The following SPAG1 variants were observed in gnomAD, a reference collection of about 807,000 sequenced individuals.
SPAG1 encodes sperm associated antigen 1.
A neutral mutation model predicts 100.5 loss-of-function variants in SPAG1; 69 were observed. The observed-to-expected ratio is 0.69, with a 90% CI of 0.57 to 0.84. The LOEUF is 0.84. Among genes scored for constraint, SPAG1 ranks in the 40% least tolerant of loss-of-function variants. SPAG1 has a pLI of 0.00. For missense variants in SPAG1, 955 were observed against 1,133.1 expected (o/e 0.84, Z 2.26); for synonymous variants, 336 against 411.6 (o/e 0.82, Z 2.22).
chr8:100,213,873 A>G lies in SPAG1; in HGVS notation c.1490A>G (p.Tyr497Cys). 6.2e-7 allele frequency: 1 copy of G among 1,606,210 alleles called. No individual in the cohort carries two copies. The highest frequency in any genetic ancestry group is 8.5e-7 in the Non-Finnish European group (1 of 1,174,322). The part of the protein sequence containing the change: ...SILYSNRAAC[Y>C]LKEGNCSGCI... ...TTATATTCAAATAGAGCAGCATGTT[A>G]CCTAAAAGAAGGAAACTGCAGTGGC... Residue 497 changes from tyrosine (Y) to cysteine (C), a missense_variant, in exon 12 of 19, where the codon TAC becomes TGC. By Grantham distance (194) the Tyr-to-Cys change is radical. Transcript: ENST00000388798.
chr8:100,167,160 A>G (rs770961669), intron 3 of SPAG1, among the ~76,000 whole-genome samples: 8 of 152,122 alleles, frequency 5.3e-5, no homozygotes, highest in African/African-American at 1.9e-4. Context: ...TCTTTATTAA[A>G]AAAAACAAAA....
rs1444718756 is a variant in SPAG1, at chr8:100,239,797, T to C, written c.2280+393T>C. Among the ~76,000 whole-genome samples, 3 of 152,242 alleles carry C rather than the reference T, an allele frequency of 2.0e-5. No individual in the cohort carries two copies. In the East Asian group the frequency reaches 5.8e-4, roughly 29 times the overall value. On this transcript the variant is annotated intron_variant, in intron 17 of 18. Transcript: ENST00000388798. The surrounding 1 kb of genome is among the most constrained non-coding windows in gnomAD (Gnocchi z 5.0). ...CCTCATAGAGATTATCCAGATTGATTCAGACCTTTTTAGCACTCTGAAATA... is the reference window on the plus strand; with the variant it reads ...CCTCATAGAGATTATCCAGATTGATCCAGACCTTTTTAGCACTCTGAAATA...
intron 14 of SPAG1, 101 bp downstream of exon 14, chr8:100,225,440 A>G: frequency 9.2e-7 from 1 of 1,088,700 alleles, no homozygotes; most frequent in East Asian, 2.6e-5. Flanking sequence ...CTAGAATCAG[A>G]CCTAGGTTTA....
Position 100,184,743 on chromosome 8 carries a change from T to A in SPAG1, c.701+10T>A, listed in dbSNP as rs368868678. 1 of 1,504,108 alleles carries A rather than the reference T, an allele frequency of 6.6e-7. No individual in the cohort carries two copies. Among genetic ancestry groups the A allele is most frequent in the Non-Finnish European group, 9.1e-7 (1 of 1,102,566 alleles). The allele number at this position is 1,504,108 out of a possible 1,614,324, so 93.2% of individuals were successfully genotyped here. ...TGATGTATTATACCAGGTGAGCAGATGTTTGTTGGGGTTTAAACTTGCCTT... is the reference window on the plus strand; with the variant it reads ...TGATGTATTATACCAGGTGAGCAGAAGTTTGTTGGGGTTTAAACTTGCCTT... On this transcript the variant is annotated intron_variant, in intron 7 of 18. Transcript: ENST00000388798.
intron 10 of SPAG1, 40 bp downstream of exon 10, chr8:100,194,308 C>A: frequency 6.3e-7 from 1 of 1,585,650 alleles, no homozygotes; most frequent in Non-Finnish European, 8.6e-7. Context: ...AAAAAGCTGC[C>A]TTTTAATATG....
chr8:100,192,373 A>C (rs1279663541), intron 9 of SPAG1, among the ~76,000 whole-genome samples: 3 of 152,286 alleles, frequency 2.0e-5, no homozygotes, highest in Middle Eastern at 3.4e-3. Context: ...ATATAAGCAA[A>C]CCTGCCCAAT....
intron 10 of SPAG1, among the ~76,000 whole-genome samples, chr8:100,206,181 C>T (rs1455989744): frequency 6.6e-6 from 1 of 152,098 alleles, no homozygotes; most frequent in Non-Finnish European, 1.5e-5. Context: ...GTGGTGACTC[C>T]AATTGCAGCT....
intron 10 of SPAG1, among the ~76,000 whole-genome samples, chr8:100,200,150 A>T (rs1225596088): frequency 6.6e-6 from 1 of 152,028 alleles, no homozygotes; most frequent in African/African-American, 2.4e-5. Context: ...CCTGTGTCCA[A>T]GTGTTCTCAT....
intron 13 of SPAG1, among the ~76,000 whole-genome samples, chr8:100,223,543 C>T (rs1279742947): frequency 2.0e-5 from 3 of 149,358 alleles, no homozygotes; most frequent in Non-Finnish European, 4.4e-5. Context: ...GCTTTTCCAT[C>T]TATTCCAATT....
At chr8:100,166,009 G>A in intron 3 of SPAG1, 36 bp downstream of exon 3, 1 of 1,541,016 alleles carries the variant, frequency 6.5e-7, no homozygotes, top group East Asian at 2.3e-5. Flanking sequence ...AGATATTGTT[G>A]AGACATTCTA....
At chr8:100,224,944 AAT>A (rs1818440864) in intron 13 of SPAG1, among the ~76,000 whole-genome samples, 1 of 152,186 alleles carries the variant, frequency 6.6e-6, no homozygotes, top group South Asian at 2.1e-4. Flanking sequence ...ACAAATTAAA[AAT>A]GTCTTTTTTG....
chr8:100,240,337 C>T (rs1696909560), intron 17 of SPAG1, 66 bp from the exon 18 acceptor site: 11 of 1,438,850 alleles, frequency 7.6e-6, no homozygotes, highest in East Asian at 4.6e-5. Context: ...TTCTGACAGA[C>T]GTACTTAGGA....
rs187269264 is a variant in SPAG1 at position 100,231,796 on chromosome 8, A to G, written c.1988+508A>G. The stretch of plus-strand genomic sequence containing the variant: ...AACACGGTGAAACCCCGTCTCTACT[A>G]AAAATACAAAAAAAAATTAGCCAGG... On this transcript the variant is annotated intron_variant, in intron 15 of 18. Transcript: ENST00000388798. Among the ~76,000 whole-genome samples the G allele has an allele frequency of 3.6e-3, 549 of 152,182 alleles. 2 individuals carry two copies. The highest frequency in any genetic ancestry group is 0.012 in the African/African-American group (513 of 41,492).
chr8:100,231,353 G>A lies in SPAG1; in HGVS notation c.1988+65G>A, dbSNP rs1027589389. The A allele has an allele frequency of 5.0e-5, 57 of 1,141,482 alleles. No individual in the cohort carries two copies. The South Asian group carries it at 6.8e-4, about 14-fold the overall frequency. 70.7% of individuals were successfully genotyped at this position (1,141,482 alleles called of 1,614,324 possible). On this transcript the variant is annotated intron_variant, in intron 15 of 18. Coordinates refer to ENST00000388798, the MANE Select transcript of SPAG1 (RefSeq NM_003114.5). ...GTTTTGATTATTAAAAATATTTTAAGTTATTTTATTAACACAATTAAGTAA... is the reference window on the plus strand; with the variant it reads ...GTTTTGATTATTAAAAATATTTTAAATTATTTTATTAACACAATTAAGTAA...
Position 100,200,342 on chromosome 8 carries a change from A to G in SPAG1, c.1096+6074A>G, listed in dbSNP as rs527257174. The stretch of plus-strand genomic sequence containing the variant: ...GTGCCACATTTTCTTAATCCAGTCT[A>G]TCATTGATGGACATTTGGGTTGGTT... On this transcript the variant is annotated intron_variant, in intron 10 of 18. Transcript: ENST00000388798. Among the ~76,000 whole-genome samples the G allele has an allele frequency of 3.2e-3, 485 of 152,292 alleles. 3 individuals carry two copies. Among genetic ancestry groups the G allele is most frequent in the African/African-American group, 0.011 (468 of 41,540 alleles).
intron 10 of SPAG1, among the ~76,000 whole-genome samples, chr8:100,201,846 C>T (rs1300655770): frequency 1.3e-5 from 2 of 152,136 alleles, no homozygotes; most frequent in Non-Finnish European, 2.9e-5. Context: ...AGGTGCCTGG[C>T]CACCCTAGGC....
chr8:100,161,681 C>CT (rs1189166074), intron 1 of SPAG1, among the ~76,000 whole-genome samples: 2 of 152,190 alleles, frequency 1.3e-5, no homozygotes, highest in Non-Finnish European at 1.5e-5. Context: ...CCCCAAACCT[C>CT]TGTGATTTAG....
intron 1 of SPAG1, among the ~76,000 whole-genome samples, chr8:100,159,529 A>G (rs1815214337): frequency 6.6e-6 from 1 of 152,202 alleles, no homozygotes; most frequent in African/African-American, 2.4e-5. Context: ...ACCCATTGCT[A>G]CTTCTTGTTT....
intron 15 of SPAG1, among the ~76,000 whole-genome samples, chr8:100,232,802 T>A (rs1211165386): frequency 6.6e-6 from 1 of 152,196 alleles, no homozygotes; most frequent in East Asian, 1.9e-4. Context: ...AAAGCTCAAC[T>A]TCCTTCCATG....
Sources: gnomAD v4.1 joint callset for allele counts (sites outside exome capture counted in the v4.1 genomes callset) on GRCh38, gnomAD v4.1.1 for gene constraint, Gnocchi (gnomAD v3.1) non-coding constraint, MANE v1.5 for transcripts, NCBI Gene and HGNC (gene_info 2026-07-23, HGNC 2026-07-21) for gene names.